The following BEND5 variants were observed in gnomAD, a reference collection of about 807,000 sequenced individuals.
The protein encoded by BEND5 is BEN domain-containing protein 5.
Under a neutral mutation model 43.9 loss-of-function variants are expected in BEND5, and 22 were observed. The ratio of observed to expected loss-of-function variants is 0.50; its 90% CI spans 0.36 to 0.72. The LOEUF (loss-of-function observed/expected upper bound fraction) is 0.72, where lower values mean the gene tolerates loss of function less well. Ranked by LOEUF, BEND5 falls within the 30% of genes least tolerant of loss-of-function variation. BEND5 has a pLI of 0.00. For synonymous variants in BEND5, 228 were observed against 225.9 expected, an observed-to-expected ratio of 1.01 and a Z score of -0.08; for missense variants, 428 against 550.6, an observed-to-expected ratio of 0.78 and a Z score of 2.23.
At chr1:48,734,105 A>T (rs902135971) in intron 5 of BEND5, among the ~76,000 whole-genome samples, 1 of 152,188 alleles carries the variant, frequency 6.6e-6, no homozygotes, top group Non-Finnish European at 1.5e-5. Flanking sequence ...TGACCTCCCA[A>T]ATCAGGCTTT....
chr1:48,744,125 C>A (rs1298549769), intron 3 of BEND5, among the ~76,000 whole-genome samples: 2 of 152,130 alleles, frequency 1.3e-5, no homozygotes, highest in Non-Finnish European at 2.9e-5. Context: ...CCTGGCAGAG[C>A]GAAGGACCAA....
chr1:48,769,532 C>CAG (rs1469309043), intron 1 of BEND5, among the ~76,000 whole-genome samples: 1 of 130,086 alleles, frequency 7.7e-6, no homozygotes, highest in Non-Finnish European at 1.6e-5. Flanking sequence ...TTAAAACACA[C>CAG]ACACACACAC....
chr1:48,775,345 C>T (rs1396381254), intron 1 of BEND5, among the ~76,000 whole-genome samples: 1 of 152,166 alleles, frequency 6.6e-6, no homozygotes, highest in Non-Finnish European at 1.5e-5. Flanking sequence ...ACTGAGCTAA[C>T]TTGCCATGAG....
In BEND5 at chr1:48,759,292, G is replaced by C. The variant is rs1644127990; in HGVS notation, c.361-8C>G. On this transcript the variant is annotated splice_polypyrimidine_tract_variant and splice_region_variant and intron_variant, in intron 2 of 5. Transcript: ENST00000371833. ...CTTCCGCCCCTCAGGTCTCTGTGTA[G>C]GACAACGAGAATCAGTTCAGGCAAG... The C allele has an allele frequency of 6.4e-7, 1 of 1,551,304 alleles. No homozygotes were observed. The highest frequency in any genetic ancestry group is 8.7e-7 in the Non-Finnish European group (1 of 1,147,386).
chr1:48,752,852 C>T (rs760827525), intron 3 of BEND5, among the ~76,000 whole-genome samples: 5 of 151,946 alleles, frequency 3.3e-5, no homozygotes, highest in African/African-American at 4.8e-5. Flanking sequence ...CGGGTTCAAG[C>T]TATTCTCCTG....
intron 3 of BEND5, among the ~76,000 whole-genome samples, chr1:48,747,537 T>C (rs1557938945): frequency 6.6e-6 from 1 of 152,244 alleles, no homozygotes; most frequent in Non-Finnish European, 1.5e-5. Context: ...GAAACACTAT[T>C]ATATAGCATA....
chr1:48,732,217 GAGA>G (rs1004846995), intron 5 of BEND5, among the ~76,000 whole-genome samples: 2 of 152,140 alleles, frequency 1.3e-5, no homozygotes, highest in Admixed American at 6.6e-5. Context: ...AGGCTTCACA[GAGA>G]AGGAGAGGAA....
chr1:48,766,314 C>G (rs897535867), intron 1 of BEND5, among the ~76,000 whole-genome samples: 1 of 152,216 alleles, frequency 6.6e-6, no homozygotes. Flanking sequence ...TGCTATAGAT[C>G]TATGTGCCTC....
intron 3 of BEND5, among the ~76,000 whole-genome samples, chr1:48,747,908 T>C (rs996805662): frequency 6.6e-6 from 1 of 152,226 alleles, no homozygotes; most frequent in Admixed American, 6.5e-5. Flanking sequence ...GTTAATAATA[T>C]TCGATTCTTT....
intron 1 of BEND5, among the ~76,000 whole-genome samples, chr1:48,774,393 C>T (rs1294199579): frequency 6.6e-6 from 1 of 152,142 alleles, no homozygotes; most frequent in Non-Finnish European, 1.5e-5. Flanking sequence ...CCTGGCCCTT[C>T]GATCAGGTCT....
chr1:48,743,930 G>T (rs1328543157), intron 3 of BEND5, among the ~76,000 whole-genome samples: 1 of 152,186 alleles, frequency 6.6e-6, no homozygotes, highest in Non-Finnish European at 1.5e-5. Context: ...ACTGAAAGAC[G>T]AAGTCTCTGT....
intron 2 of BEND5, among the ~76,000 whole-genome samples, chr1:48,759,780 C>T (rs924075492): frequency 6.6e-6 from 1 of 152,212 alleles, no homozygotes; most frequent in Non-Finnish European, 1.5e-5. Flanking sequence ...ACCATGTAAA[C>T]TTTTCATCGA....
chr1:48,769,716 A>G (rs1400860992), intron 1 of BEND5, among the ~76,000 whole-genome samples: 2 of 152,152 alleles, frequency 1.3e-5, no homozygotes, highest in East Asian at 3.9e-4. Flanking sequence ...ACAGTTATCT[A>G]TATTTAATGA....
chr1:48,755,454 G>A (rs1652397513), intron 3 of BEND5, among the ~76,000 whole-genome samples: 1 of 152,284 alleles, frequency 6.6e-6, no homozygotes, highest in African/African-American at 2.4e-5. Context: ...CCCTAGCTGA[G>A]GTGGACAAAA....
At chr1:48,746,292 C>A (rs538846918) in intron 3 of BEND5, among the ~76,000 whole-genome samples, 1 of 152,100 alleles carries the variant, frequency 6.6e-6, no homozygotes, top group Non-Finnish European at 1.5e-5. Flanking sequence ...TACACTTGTG[C>A]GCTTAAGTTC....
At chr1:48,760,252 G>A (rs1395315916) in intron 2 of BEND5, among the ~76,000 whole-genome samples, 8 of 152,236 alleles carry the variant, frequency 5.3e-5, no homozygotes, top group Admixed American at 4.6e-4. Flanking sequence ...CTGAGGGGCA[G>A]TGAGAGTTAC....
chr1:48,766,635 G>A (rs964116309), intron 1 of BEND5, among the ~76,000 whole-genome samples: 9 of 152,178 alleles, frequency 5.9e-5, no homozygotes, highest in African/African-American at 2.2e-4. Context: ...GTTCAGGAAA[G>A]GGACAGAAGC....
chr1:48,767,431 A>G (rs1466631568), intron 1 of BEND5, among the ~76,000 whole-genome samples: 1 of 152,212 alleles, frequency 6.6e-6, no homozygotes, highest in Non-Finnish European at 1.5e-5. Flanking sequence ...AGACTGAGAC[A>G]TGATGAAAGA....
At chr1:48,761,575 C>T in intron 1 of BEND5, 105 bp from the exon 2 acceptor site, 1 of 1,229,206 alleles carries the variant, frequency 8.1e-7, no homozygotes, top group Non-Finnish European at 1.1e-6. Flanking sequence ...TGAGGCCAGA[C>T]CAGTTAAAAA....
Sources: gnomAD v4.1 joint callset for allele counts (sites outside exome capture counted in the v4.1 genomes callset) on GRCh38, gnomAD v4.1.1 for gene constraint, MANE v1.5 for transcripts, NCBI Gene and HGNC (gene_info 2026-07-23, HGNC 2026-07-21) for gene names.